PTCHD4: variants seen among roughly 807,000 people sequenced by gnomAD.
PTCHD4 encodes patched domain-containing protein 4.
Under a neutral mutation model 58.1 loss-of-function variants are expected in PTCHD4, and 33 were observed. The observed-to-expected ratio is 0.57, with a 90% CI of 0.43 to 0.76. The LOEUF (loss-of-function observed/expected upper bound fraction) is 0.76, where lower values mean the gene tolerates loss of function less well. Among genes scored for constraint, PTCHD4 ranks in the 30% least tolerant of loss-of-function variants. The pLI, the probability that PTCHD4 is intolerant of heterozygous loss-of-function variation, is 0.00. For missense variants in PTCHD4, 1,058 were observed against 1,027.1 expected, an observed-to-expected ratio of 1.03 and a Z score of -0.41; for synonymous variants, 478 against 409.6, an observed-to-expected ratio of 1.17 and a Z score of -2.02.
chr6:48,058,840 C>T (rs1050369082), intron 3 of PTCHD4, among the ~76,000 whole-genome samples: 3 of 152,186 alleles, frequency 2.0e-5, no homozygotes, highest in Admixed American at 2.0e-4. Flanking sequence ...CAGGCAGCTC[C>T]AGTTCTTCAG....
intron 4 of PTCHD4, among the ~76,000 whole-genome samples, chr6:47,980,287 C>T (rs1479038497): frequency 6.6e-6 from 1 of 151,970 alleles, no homozygotes; most frequent in Non-Finnish European, 1.5e-5. Flanking sequence ...TTTTTATATT[C>T]ATTTGTTTAT....
rs199950829 is a variant in PTCHD4, at chr6:47,879,623, A to G, written c.1212T>C (p.Cys404=). The G allele has an allele frequency of 1.9e-6, 3 of 1,613,700 alleles. No homozygotes were observed. Among genetic ancestry groups the G allele is most frequent in the Non-Finnish European group, 2.5e-6 (3 of 1,179,766 alleles). ...EQNRYHSIFC[C]KIPSAEYLDR... Reference sequence around the variant, plus strand: ...CCAGGTATTCTGCAGAAGGGATCTTACAGCAAAAGATGCTGTGGTAGCGGT... The same window carrying G: ...CCAGGTATTCTGCAGAAGGGATCTTGCAGCAAAAGATGCTGTGGTAGCGGT... The change falls in exon 5 of 5, where the codon TGT becomes TGC. Residue 404 remains cysteine, a synonymous_variant. Coordinates refer to ENST00000339488, the MANE Select transcript of PTCHD4 (RefSeq NM_001384253.1).
rs1015042554 is a variant in PTCHD4, at chr6:48,068,662, T to C, written c.6-21A>G. 5 of 1,528,950 alleles carry C rather than the reference T, an allele frequency of 3.3e-6. No individual in the cohort carries two copies. The highest frequency in any genetic ancestry group is 1.4e-5 in the African/African-American group (1 of 72,794). 94.7% of individuals were successfully genotyped at this position (1,528,950 alleles called of 1,614,324 possible). On this transcript the variant is annotated intron_variant, in intron 2 of 4. Transcript: ENST00000339488. The surrounding 1 kb of genome is among the most constrained non-coding windows in gnomAD (Gnocchi z 4.2). ...GCCGTCTTAAAAAGCACATGTGACA[T>C]GTGTAAGCGCCGGGCTACCCCGTTC...
intron 4 of PTCHD4, among the ~76,000 whole-genome samples, chr6:47,992,322 T>C (rs1260026487): frequency 1.3e-5 from 2 of 152,126 alleles, no homozygotes; most frequent in African/African-American, 4.8e-5. Context: ...CACATACATA[T>C]GCACGCACGT....
intron 3 of PTCHD4, among the ~76,000 whole-genome samples, chr6:48,012,276 A>C (rs917949783): frequency 6.6e-6 from 1 of 152,148 alleles, no homozygotes; most frequent in African/African-American, 2.4e-5. Flanking sequence ...CTCCTTGAAG[A>C]GGTCCTTTAC....
At chr6:47,923,936 G>T (rs1765513297) in intron 4 of PTCHD4, among the ~76,000 whole-genome samples, 1 of 152,144 alleles carries the variant, frequency 6.6e-6, no homozygotes, top group Non-Finnish European at 1.5e-5. Flanking sequence ...ACTTCACAGT[G>T]CTTGGCTGAG....
rs1283680536 is a variant in PTCHD4, at chr6:47,864,711, T to C, written c.*13592A>G. ...TGTAGAAGAATACAAAGAGTTCATA[T>C]GGATTATTTTCACAGGTCATTTTAA... is the stretch of plus-strand genomic sequence containing the variant. On this transcript the variant is annotated 3_prime_UTR_variant, in exon 5 of 5. Transcript: ENST00000339488. 2.0e-5 allele frequency among the ~76,000 whole-genome samples: 3 copies of C among 152,062 alleles called. No individual in the cohort carries two copies. In the South Asian group the frequency reaches 6.2e-4, roughly 31 times the overall value.
At chr6:48,082,759 A>G (rs1379621440) in intron 1 of PTCHD4, among the ~76,000 whole-genome samples, 2 of 152,192 alleles carry the variant, frequency 1.3e-5, no homozygotes, top group Non-Finnish European at 2.9e-5. Flanking sequence ...TTAGATTTAT[A>G]AAAATAACTA....
chr6:47,944,044 A>G (rs183120094), intron 4 of PTCHD4, among the ~76,000 whole-genome samples: 79 of 152,244 alleles, frequency 5.2e-4, no homozygotes, highest in African/African-American at 1.9e-3. Flanking sequence ...AGGGAATGGC[A>G]GACTGGTAGC....
At chr6:47,989,254 G>A (rs976312234) in intron 4 of PTCHD4, among the ~76,000 whole-genome samples, 9 of 152,166 alleles carry the variant, frequency 5.9e-5, no homozygotes, top group Admixed American at 5.9e-4. Context: ...TGTTGTTAAA[G>A]GCATTCAGTT....
rs1000635787 is a variant in PTCHD4 at position 48,008,967 on chromosome 6, C to G, written c.565G>C (p.Glu189Gln). 1.9e-6 allele frequency: 3 copies of G among 1,613,972 alleles called. No homozygotes were observed. The highest frequency in any genetic ancestry group is 4.5e-5 in the East Asian group (2 of 44,870). ...TTACAGAACTCATTCTCCCACTTCT[C>G]CCCTATGAGGTCTTGGGTGGCAGAG... ...YGSATQDLIG[E>Q]KWENEFCKLI... The change falls in exon 4 of 5, where the codon GAG becomes CAG. Residue 189 changes from glutamate (E) to glutamine (Q), a missense_variant. Coordinates refer to ENST00000339488, the MANE Select transcript of PTCHD4 (RefSeq NM_001384253.1).
chr6:47,902,642 T>A (rs1216453099), intron 4 of PTCHD4, among the ~76,000 whole-genome samples: 1 of 152,236 alleles, frequency 6.6e-6, no homozygotes, highest in Non-Finnish European at 1.5e-5. Flanking sequence ...CAACCAATTT[T>A]AAAAATTTCA....
intron 4 of PTCHD4, among the ~76,000 whole-genome samples, chr6:47,890,352 C>T (rs537595768): frequency 1.6e-4 from 25 of 152,010 alleles, no homozygotes; most frequent in Non-Finnish European, 2.8e-4. Context: ...GTAATTAACA[C>T]GATTTGATAT....
At chr6:47,964,736 T>C (rs1767221079) in intron 4 of PTCHD4, among the ~76,000 whole-genome samples, 1 of 152,218 alleles carries the variant, frequency 6.6e-6, no homozygotes, top group African/African-American at 2.4e-5. Context: ...TTTAATCTTG[T>C]TACAGTTATG....
rs560525728 is a variant in PTCHD4, at chr6:47,859,158, C to T, written c.*19145G>A. The stretch of plus-strand genomic sequence containing the variant: ...AATTCCAGCTGAAAATGGCTTGGGG[C>T]AGTATCTTTTACTTCTTTAAGCCTG... On this transcript the variant is annotated 3_prime_UTR_variant, in exon 5 of 5. Transcript: ENST00000339488. 7.9e-5 allele frequency among the ~76,000 whole-genome samples: 12 copies of T among 152,146 alleles called. No individual in the cohort carries two copies. The East Asian group carries it at 2.1e-3, about 27-fold the overall frequency.
intron 4 of PTCHD4, among the ~76,000 whole-genome samples, chr6:47,914,726 CTATCTAT>C (rs67316941): frequency 0.35 from 50,434 of 143,316 alleles, 9,615 homozygotes; most frequent in East Asian, 0.54. Flanking sequence ...GTCTGTCTAT[CTATCTAT>C]TATCTATCTA....
intron 1 of PTCHD4, among the ~76,000 whole-genome samples, chr6:48,087,116 CTATG>C (rs1182093468): frequency 6.6e-6 from 1 of 152,172 alleles, no homozygotes; most frequent in East Asian, 1.9e-4. Context: ...TTTTCTATGC[CTATG>C]TCTTTGTCTG....
At chr6:48,080,359 G>A (rs6910600) in intron 1 of PTCHD4, among the ~76,000 whole-genome samples, 23,818 of 152,074 alleles carry the variant, frequency 0.16, 1,909 homozygotes, top group African/African-American at 0.2. Context: ...GACTGTCTGG[G>A]GATTTAGTTA....
At chr6:47,980,477 T>C (rs990756389) in intron 4 of PTCHD4, among the ~76,000 whole-genome samples, 1 of 152,092 alleles carries the variant, frequency 6.6e-6, no homozygotes, top group African/African-American at 2.4e-5. Context: ...ATTCCCTCTA[T>C]CCTTCCATAG....
Sources: allele counts gnomAD v4.1 joint callset (sites outside exome capture counted in the v4.1 genomes callset), GRCh38; gene constraint gnomAD v4.1.1; non-coding constraint Gnocchi (gnomAD v3.1); transcripts MANE v1.5; gene names NCBI Gene and HGNC (gene_info 2026-07-23, HGNC 2026-07-21).